TARS3: variants seen among roughly 807,000 people sequenced by gnomAD.
The protein encoded by TARS3 is threonine--tRNA ligase 2, cytoplasmic.
A neutral mutation model predicts 103.5 loss-of-function variants in TARS3; 94 were observed. That is an observed-to-expected ratio of 0.91 (90% CI 0.77 to 1.08). TARS3 has a LOEUF of 1.08. Ranked by LOEUF, TARS3 falls within the 50% of genes least tolerant of loss-of-function variation. The pLI, the probability that TARS3 is intolerant of heterozygous loss-of-function variation, is 0.00. For synonymous variants in TARS3, 416 were observed against 355.4 expected (o/e 1.17, Z -1.92); for missense variants, 952 against 995.2 (o/e 0.96, Z 0.58).
rs751293112 is a variant in TARS3, at chr15:101,654,572, G to T, written c.*10C>A. On this transcript the variant is annotated 3_prime_UTR_variant, in exon 19 of 19. Coordinates refer to ENST00000335968, the MANE Select transcript of TARS3 (RefSeq NM_152334.3). Reference sequence around the variant, plus strand: ...CAAAGTTACACAGAAGCAAATATCAGGGAAGGACTTCAAAAGGCCTCCTCA... The same window carrying T: ...CAAAGTTACACAGAAGCAAATATCATGGAAGGACTTCAAAAGGCCTCCTCA... The T allele has an allele frequency of 6.2e-7, 1 of 1,606,642 alleles. No homozygotes were observed. The highest frequency in any genetic ancestry group is 1.1e-5 in the South Asian group (1 of 89,730).
intron 10 of TARS3, among the ~76,000 whole-genome samples, chr15:101,686,519 A>G (rs971015336): frequency 6.6e-6 from 1 of 152,184 alleles, no homozygotes; most frequent in Non-Finnish European, 1.5e-5. Flanking sequence ...AGTAGTTGAA[A>G]TTATTAAGTC....
intron 11 of TARS3, 103 bp from the exon 12 acceptor site, chr15:101,684,340 C>T (rs2141406561): frequency 1.7e-6 from 2 of 1,161,910 alleles, no homozygotes; most frequent in East Asian, 5.5e-5. Context: ...TTCATAAACT[C>T]CTTATTCTAG....
intron 12 of TARS3, among the ~76,000 whole-genome samples, chr15:101,682,005 A>C (rs1898273308): frequency 6.6e-6 from 1 of 152,190 alleles, no homozygotes; most frequent in South Asian, 2.1e-4. Context: ...TCCATACTAC[A>C]ATTTTTCTAA....
chr15:101,661,929 T>G, intron 15 of TARS3, 113 bp from the exon 16 acceptor site: 1 of 552,950 alleles, frequency 1.8e-6, no homozygotes, highest in Non-Finnish European at 3.0e-6. Context: ...GATCTCTCCA[T>G]TAACCTTATT....
intron 5 of TARS3, among the ~76,000 whole-genome samples, chr15:101,710,367 A>T (rs1899800193): frequency 6.6e-6 from 1 of 152,198 alleles, no homozygotes; most frequent in African/African-American, 2.4e-5. Context: ...CAAATTATTG[A>T]ACCCAAGGAT....
rs1209007397 is a variant in TARS3, at chr15:101,701,094, A to G, written c.1312T>C (p.Phe438Leu). 1 of 1,545,344 alleles carries G rather than the reference A, an allele frequency of 6.5e-7. No individual in the cohort carries two copies. Residue 438 changes from phenylalanine (F) to leucine (L), a missense_variant, in exon 10 of 19, where the codon TTC (phenylalanine) becomes CTC (leucine). Around this residue, in one of 2 missense-constraint regions of TARS3, gnomAD observed 540 missense variants for 631.0 expected, o/e 0.86. Transcript: ENST00000335968. The stretch of plus-strand genomic sequence containing the variant: ...TTTTAAAGTTAACTTACTCGTATGA[A>G]ATCTGTAAGCGTATTATAAATGAAG... ...GAFIYNTLTD[F>L]IREEYHKRDF...
chr15:101,696,962 ATT>A (rs1398381138), intron 10 of TARS3, among the ~76,000 whole-genome samples: 1 of 152,150 alleles, frequency 6.6e-6, no homozygotes, highest in Non-Finnish European at 1.5e-5. Context: ...ATTTAAATGC[ATT>A]GTCTCCACCC....
chr15:101,658,436 A>G (rs1897259997), intron 16 of TARS3, among the ~76,000 whole-genome samples: 2 of 151,770 alleles, frequency 1.3e-5, no homozygotes, highest in South Asian at 4.1e-4. Context: ...TGTACTCTGT[A>G]AATCCATTTA....
intron 13 of TARS3, 42 bp from the exon 14 acceptor site, chr15:101,671,790 CT>C (rs139057031): frequency 0.011 from 13,787 of 1,268,264 alleles, no homozygotes; most frequent in Admixed American, 0.012. Flanking sequence ...TACACTGTAT[CT>C]TTTTTTTTTA....
intron 15 of TARS3, among the ~76,000 whole-genome samples, chr15:101,663,514 G>GTCATGACTACATTTATGGGGAT (rs1288570929): frequency 2.0e-5 from 3 of 152,188 alleles, no homozygotes; most frequent in African/African-American, 7.2e-5. Flanking sequence ...ACATATCCCT[G>GTCATGACTACATTTATGGGGAT]TCATGACTAC....
At chr15:101,656,127 G>T in intron 18 of TARS3, 1 of 1,118,414 alleles carries the variant, frequency 8.9e-7, no homozygotes, top group African/African-American at 1.6e-5. Flanking sequence ...TTGAGCTCCT[G>T]ATTGCTCTTC....
At chr15:101,662,146 A>G (rs1186553176) in intron 15 of TARS3, among the ~76,000 whole-genome samples, 1 of 152,104 alleles carries the variant, frequency 6.6e-6, no homozygotes, top group Non-Finnish European at 1.5e-5. Flanking sequence ...TCTTGCCACT[A>G]TCTCCCACAT....
chr15:101,724,185 A>AGGCGGT lies in TARS3; in HGVS notation c.197_202dup (p.His66_Arg67dup). ...GGCGAGGCACAGCCGCAGGCTGCAC[A>AGGCGGT]GGCGGTGGCGCAGGTCGCAGTTCTC... On this transcript the variant is annotated inframe_insertion, in exon 1 of 19. Coordinates refer to ENST00000335968, the MANE Select transcript of TARS3 (RefSeq NM_152334.3). The AGGCGGT allele has an allele frequency of 6.6e-7, 1 of 1,515,974 alleles. No homozygotes were observed. The allele number at this position is 1,515,974 out of a possible 1,614,324, so 93.9% of individuals were successfully genotyped here.
At chr15:101,702,435 G>A in intron 8 of TARS3, 50 bp from the exon 9 acceptor site, 1 of 1,464,680 alleles carries the variant, frequency 6.8e-7, no homozygotes, top group South Asian at 1.1e-5. Context: ...TCAGTTGTAA[G>A]TAAAACTGCT....
intron 10 of TARS3, 31 bp downstream of exon 10, chr15:101,701,055 A>G (rs775721243): frequency 3.7e-6 from 5 of 1,366,900 alleles, no homozygotes; most frequent in South Asian, 2.8e-5. Flanking sequence ...CTGGAATTGA[A>G]TAAGAATAAA....
intron 15 of TARS3, among the ~76,000 whole-genome samples, chr15:101,665,372 TTTG>T (rs1897541779): frequency 1.3e-5 from 2 of 152,246 alleles, no homozygotes; most frequent in South Asian, 2.1e-4. Context: ...AACAATATTT[TTTG>T]TTTTTACTTT....
At chr15:101,655,426 C>T (rs1357465076) in intron 18 of TARS3, among the ~76,000 whole-genome samples, 33 of 119,138 alleles carry the variant, frequency 2.8e-4, no homozygotes, top group African/African-American at 1.0e-3. Flanking sequence ...CAAATGAGAG[C>T]GGGGAGCTCT....
At chr15:101,713,855 T>G (rs1320645878) in intron 4 of TARS3, among the ~76,000 whole-genome samples, 1 of 152,232 alleles carries the variant, frequency 6.6e-6, no homozygotes, top group Non-Finnish European at 1.5e-5. Context: ...TCTACAGTAC[T>G]GAACTTTCTG....
At chr15:101,703,978 G>C in intron 7 of TARS3, 41 bp from the exon 8 acceptor site, 1 of 1,441,032 alleles carries the variant, frequency 6.9e-7, no homozygotes, top group South Asian at 1.2e-5. Context: ...CACAGTTACA[G>C]TGTTCTGGAC....
Sources: gnomAD v4.1 joint callset for allele counts (sites outside exome capture counted in the v4.1 genomes callset) on GRCh38, gnomAD v4.1.1 for gene constraint, gnomAD v4.1.1 regional missense constraint, MANE v1.5 for transcripts, NCBI Gene and HGNC (gene_info 2026-07-23, HGNC 2026-07-21) for gene names.